The following ZKSCAN8 variants were observed in gnomAD, a reference collection of about 807,000 sequenced individuals.
ZKSCAN8 encodes the protein zinc finger with KRAB and SCAN domains 8, also known as zinc finger protein with KRAB and SCAN domains 8.
In ZKSCAN8, 27 loss-of-function variants were observed where a neutral mutation model predicts 57.2. That is an observed-to-expected ratio of 0.47 (90% CI 0.35 to 0.65). The LOEUF (loss-of-function observed/expected upper bound fraction) is 0.65. Among genes scored for constraint, ZKSCAN8 ranks in the 30% least tolerant of loss-of-function variants. The probability of loss-of-function intolerance (pLI) is 0.01; values close to 1 mark genes in which losing one functional copy is unlikely to be tolerated. For missense variants in ZKSCAN8, 597 were observed against 696.3 expected (o/e 0.86, Z 1.60); for synonymous variants, 214 against 248.7 (o/e 0.86, Z 1.31).
chr6:28,145,406 G>T (rs1461012623), intron 1 of ZKSCAN8, among the ~76,000 whole-genome samples: 1 of 152,068 alleles, frequency 6.6e-6, no homozygotes, highest in Non-Finnish European at 1.5e-5. Flanking sequence ...AGCCAGCCAG[G>T]TTTACATTCA....
rs1765477417 is a variant in ZKSCAN8, at chr6:28,148,471, CTTG to C, written c.66_68del (p.Val23del). Reference sequence around the variant, plus strand: ...ACCAGACCAGACTCCTGAAGAGGATCTTGTAATCGTCAAGGTAGAGGAGGATCA... The same window carrying C: ...ACCAGACCAGACTCCTGAAGAGGATCTAATCGTCAAGGTAGAGGAGGATCA... On this transcript the variant is annotated inframe_deletion, in exon 2 of 6. Coordinates refer to ENST00000330236, the MANE Select transcript of ZKSCAN8 (RefSeq NM_006298.4). 6.2e-7 allele frequency: 1 copy of C among 1,614,156 alleles called. No homozygotes were observed. The highest frequency in any genetic ancestry group is 1.3e-5 in the African/African-American group (1 of 75,028).
chr6:28,153,926 A>G lies in ZKSCAN8; in HGVS notation c.1646A>G (p.Asn549Ser), dbSNP rs765867822. The G allele has an allele frequency of 6.8e-6, 11 of 1,614,108 alleles. No individual in the cohort carries two copies. Among genetic ancestry groups the G allele is most frequent in the Non-Finnish European group, 3.4e-6 (4 of 1,180,028 alleles). The change falls in exon 6 of 6, where the codon AAT becomes AGT. Residue 549 changes from asparagine (N) to serine (S), a missense_variant. Coordinates refer to ENST00000330236, the MANE Select transcript of ZKSCAN8 (RefSeq NM_006298.4). Reference protein sequence around the residue: ...IHTGEKPYQCNECGKAFIQRS... With the variant: ...IHTGEKPYQCSECGKAFIQRS... ...ACAGGGGAGAAGCCCTACCAATGTAATGAGTGTGGGAAAGCCTTTATTCAG... is the reference window on the plus strand; with the variant it reads ...ACAGGGGAGAAGCCCTACCAATGTAGTGAGTGTGGGAAAGCCTTTATTCAG...
At chr6:28,141,829 G>A (rs1765222069), upstream of ZKSCAN8, 1 of 152,430 alleles carries the variant, frequency 6.6e-6, no homozygotes, top group Non-Finnish European at 1.5e-5. Flanking sequence ...AGACCTCCAG[G>A]ACTCCTAGAG....
In ZKSCAN8 at chr6:28,156,751, A is replaced by G. The variant is rs1252106712; in HGVS notation, c.*2734A>G. The stretch of plus-strand genomic sequence containing the variant: ...CTATTCATCAGTACTTTCTCCTCCC[A>G]TCCTAAGCTTCTCATTTTAGGAACT... On this transcript the variant is annotated 3_prime_UTR_variant, in exon 6 of 6. Coordinates refer to ENST00000330236, the MANE Select transcript of ZKSCAN8 (RefSeq NM_006298.4). 1 of 152,186 alleles carries G rather than the reference A, an allele frequency of 6.6e-6. No homozygotes were observed. The highest frequency in any genetic ancestry group is 1.5e-5 in the Non-Finnish European group (1 of 68,046). 9.4% of individuals were successfully genotyped at this position (152,186 alleles called of 1,614,324 possible).
chr6:28,143,135 CTA>C (rs1179492535), intron 1 of ZKSCAN8, among the ~76,000 whole-genome samples: 2 of 152,128 alleles, frequency 1.3e-5, no homozygotes, highest in Admixed American at 6.5e-5. Context: ...TTTAAGGAGA[CTA>C]TGTAAAAATC....
In ZKSCAN8 at chr6:28,148,589, A is replaced by C; in HGVS notation, c.182A>C (p.Glu61Ala). 1 of 1,614,100 alleles carries C rather than the reference A, an allele frequency of 6.2e-7. No homozygotes were observed. Among genetic ancestry groups the C allele is most frequent in the Non-Finnish European group, 8.5e-7 (1 of 1,180,008 alleles). The change falls in exon 2 of 6, where the codon GAG becomes GCG. Residue 61 changes from glutamate to alanine, a missense_variant. Glu to Ala is a moderately radical substitution (Grantham distance 107). Coordinates refer to ENST00000330236, the MANE Select transcript of ZKSCAN8 (RefSeq NM_006298.4). ...CGCTTCAGGCAGTTACGCTACCAGG[A>C]GACACTAGGACCCCGAGAAGCTCTG... ...RLRFRQLRYQ[E>A]TLGPREALIQ...
At position 28,144,041 on chromosome 6, in the gene ZKSCAN8, C is replaced by G. The variant is rs1014693319; in HGVS notation, c.-93+2012C>G. Among the ~76,000 whole-genome samples, 1 of 152,120 alleles carries G rather than the reference C, an allele frequency of 6.6e-6. No homozygotes were observed. Among genetic ancestry groups the G allele is most frequent in the Non-Finnish European group, 1.5e-5 (1 of 68,024 alleles). On this transcript the variant is annotated intron_variant, in intron 1 of 5. Transcript: ENST00000330236. The surrounding 1 kb of genome is among the most constrained non-coding windows in gnomAD (Gnocchi z 4.5). ...AAAGTCATAATCAATGAACTATACC[C>G]CCAATGTTAATTGATATATTTAACC...
intron 2 of ZKSCAN8, 72 bp downstream of exon 2, chr6:28,148,896 C>T: frequency 6.6e-7 from 1 of 1,503,978 alleles, no homozygotes; most frequent in South Asian, 1.3e-5. Context: ...ATAGGCATCA[C>T]AGTGGGAGAG....
In ZKSCAN8 at chr6:28,153,049, A is replaced by G. The variant is rs1409385924; in HGVS notation, c.776-7A>G. The G allele has an allele frequency of 6.2e-7, 1 of 1,611,630 alleles. No individual in the cohort carries two copies. The highest frequency in any genetic ancestry group is 2.2e-5 in the East Asian group (1 of 44,840). Reference sequence around the variant, plus strand: ...CTTGATGTTTGTTTATTACATTTTTATTTCAGGTGGTGAGACCAGGAGTGA... The same window carrying G: ...CTTGATGTTTGTTTATTACATTTTTGTTTCAGGTGGTGAGACCAGGAGTGA... On this transcript the variant is annotated splice_region_variant and splice_polypyrimidine_tract_variant and intron_variant, in intron 5 of 5. Coordinates refer to ENST00000330236, the MANE Select transcript of ZKSCAN8 (RefSeq NM_006298.4).
In ZKSCAN8 at chr6:28,149,475, G is replaced by T. The variant is rs764801940; in HGVS notation, c.418-8G>T. ...ATTCCTTATTATCCAACTGTCTGTT[G>T]TTTCCAGGTCTCAGCTCGCGTACAT... On this transcript the variant is annotated splice_region_variant and splice_polypyrimidine_tract_variant and intron_variant, in intron 2 of 5. Transcript: ENST00000330236. 1.3e-5 allele frequency: 21 copies of T among 1,613,188 alleles called. No homozygotes were observed. The East Asian group carries it at 2.7e-4, about 21-fold the overall frequency.
Position 28,155,822 on chromosome 6 carries a change from C to T in ZKSCAN8, c.*1805C>T, listed in dbSNP as rs994167963. 1 of 242,896 alleles carries T rather than the reference C, an allele frequency of 4.1e-6. No individual in the cohort carries two copies. Among genetic ancestry groups the T allele is most frequent in the Non-Finnish European group, 7.8e-6 (1 of 127,688 alleles). The allele number at this position is 242,896 out of a possible 1,614,324, so 15.0% of individuals were successfully genotyped here. ...TATGGCCCACTTTGACCACTAACAA[C>T]ATCAGAATTATCTACATCAATTTCA... On this transcript the variant is annotated 3_prime_UTR_variant, in exon 6 of 6. Transcript: ENST00000330236.
Position 28,149,514 on chromosome 6 carries a change from T to C in ZKSCAN8, c.449T>C (p.Leu150Pro), listed in dbSNP as rs1233117356. 1.2e-6 allele frequency: 2 copies of C among 1,614,164 alleles called. No individual in the cohort carries two copies. The highest frequency in any genetic ancestry group is 1.7e-5 in the Admixed American group (1 of 60,026). ...VSARVHGHRV[L>P]WEEVVHSASA... Reference sequence around the variant, plus strand: ...GCTCGCGTACATGGACATAGGGTACTCTGGGAGGAGGTAGTACATTCAGCA... The same window carrying C: ...GCTCGCGTACATGGACATAGGGTACCCTGGGAGGAGGTAGTACATTCAGCA... Residue 150 changes from leucine to proline, a missense_variant, in exon 3 of 6, where the codon CTC (leucine) becomes CCC (proline). Leu to Pro is a moderately conservative substitution (Grantham distance 98, BLOSUM62 -3). Coordinates refer to ENST00000330236, the MANE Select transcript of ZKSCAN8 (RefSeq NM_006298.4).
Position 28,156,119 on chromosome 6 carries a change from A to G in ZKSCAN8, c.*2102A>G, listed in dbSNP as rs542484132. 4.2e-4 allele frequency: 166 copies of G among 398,434 alleles called. No homozygotes were observed. The highest frequency in any genetic ancestry group is 3.2e-3 in the African/African-American group (156 of 48,754). 24.7% of individuals were successfully genotyped at this position (398,434 alleles called of 1,614,324 possible). The stretch of plus-strand genomic sequence containing the variant: ...GTATTACCTTGTATGCAAATATTAC[A>G]TATGATGGGTGCATTGTCAGAGGGA... On this transcript the variant is annotated 3_prime_UTR_variant, in exon 6 of 6. Transcript: ENST00000330236.
chr6:28,152,491 A>G, intron 5 of ZKSCAN8, 107 bp downstream of exon 5: 3 of 1,384,644 alleles, frequency 2.2e-6, no homozygotes, highest in Non-Finnish European at 2.9e-6. Context: ...AGTTTAACTC[A>G]GGATCCAGCA....
Position 28,147,310 on chromosome 6 carries a change from TATGAG to T in ZKSCAN8, c.-92-1003_-92-999del, listed in dbSNP as rs1765430840. ...AGTAGAGAAATGCATACTAAAGCCA[TATGAG>T]ATATTAAAACCATAATGAGTTGCCA... On this transcript the variant is annotated intron_variant, in intron 1 of 5. Coordinates refer to ENST00000330236, the MANE Select transcript of ZKSCAN8 (RefSeq NM_006298.4). Among the ~76,000 whole-genome samples, 4 of 152,092 alleles carry T rather than the reference TATGAG, an allele frequency of 2.6e-5. No homozygotes were observed. The South Asian group carries it at 8.3e-4, about 31-fold the overall frequency.
rs759829097 is a variant in ZKSCAN8 at position 28,153,150 on chromosome 6, C to T, written c.870C>T (p.Asn290=). The change falls in exon 6 of 6, where the codon AAC becomes AAT. Residue 290 remains asparagine (N), a synonymous_variant. Coordinates refer to ENST00000330236, the MANE Select transcript of ZKSCAN8 (RefSeq NM_006298.4). The stretch of plus-strand genomic sequence containing the variant: ...ATGGAGAGACAGCTGCCAAATGCAA[C>T]GGGGATGTTATCAGGGGTCTTGAGC... ...QPHGETAAKC[N]GDVIRGLEHE... 40 of 1,614,006 alleles carry T rather than the reference C, an allele frequency of 2.5e-5. No homozygotes were observed. The highest frequency in any genetic ancestry group is 8.0e-5 in the African/African-American group (6 of 74,908).
Position 28,157,832 on chromosome 6 carries a change from G to A in ZKSCAN8, c.*3815G>A, listed in dbSNP as rs1765833543. On this transcript the variant is annotated 3_prime_UTR_variant, in exon 6 of 6. Transcript: ENST00000330236. ...GCCAAAGGGAAAGTAGAATTGTGGAGGGAAATGAAATATCCATGTACCAGG... is the reference window on the plus strand; with the variant it reads ...GCCAAAGGGAAAGTAGAATTGTGGAAGGAAATGAAATATCCATGTACCAGG... 6.6e-6 allele frequency: 1 copy of A among 152,158 alleles called. No homozygotes were observed. Among genetic ancestry groups the A allele is most frequent in the African/African-American group, 2.4e-5 (1 of 41,430 alleles). The allele number at this position is 152,158 out of a possible 1,614,324, so 9.4% of individuals were successfully genotyped here. A position where few individuals can be genotyped will look rare whatever the true frequency, so the allele number is the denominator to read the frequency against.
intron 1 of ZKSCAN8, 117 bp from the exon 2 acceptor site, chr6:28,148,199 A>T: frequency 2.0e-6 from 1 of 499,242 alleles, no homozygotes; most frequent in Non-Finnish European, 3.5e-6. Context: ...AGTGGGGAGG[A>T]TCATTTAATT....
Position 28,153,937 on chromosome 6 carries a change from A to G in ZKSCAN8, c.1657A>G (p.Lys553Glu). The change falls in exon 6 of 6, where the codon AAA becomes GAA. Residue 553 changes from lysine to glutamate, a missense_variant. Transcript: ENST00000330236. Reference protein sequence around the residue: ...EKPYQCNECGKAFIQRSSLIR... With the variant: ...EKPYQCNECGEAFIQRSSLIR... The stretch of plus-strand genomic sequence containing the variant: ...GCCCTACCAATGTAATGAGTGTGGG[A>G]AAGCCTTTATTCAGAGGTCAAGTCT... The G allele has an allele frequency of 2.5e-6, 4 of 1,614,164 alleles. No homozygotes were observed. The highest frequency in any genetic ancestry group is 3.4e-6 in the Non-Finnish European group (4 of 1,179,998).
Sources: gnomAD v4.1 joint callset for allele counts (sites outside exome capture counted in the v4.1 genomes callset) on GRCh38, gnomAD v4.1.1 for gene constraint, Gnocchi (gnomAD v3.1) non-coding constraint, MANE v1.5 for transcripts, NCBI Gene and HGNC (gene_info 2026-07-23, HGNC 2026-07-21) for gene names.